The following ARFIP1 variants were observed in gnomAD, a reference collection of about 807,000 sequenced individuals.
The protein encoded by ARFIP1 is ARF interacting protein 1.
Under a neutral mutation model 42.5 loss-of-function variants are expected in ARFIP1, and 24 were observed. The observed-to-expected ratio is 0.57, with a 90% CI of 0.41 to 0.80. The LOEUF is 0.80. Ranked by LOEUF, ARFIP1 falls within the 30% of genes least tolerant of loss-of-function variation. The probability of loss-of-function intolerance (pLI) is 0.00; values close to 1 mark genes in which losing one functional copy is unlikely to be tolerated. For missense variants in ARFIP1, 354 were observed against 434.0 expected (o/e 0.82, Z 1.64); for synonymous variants, 141 against 153.7 (o/e 0.92, Z 0.61).
chr4:152,843,853 C>T (rs1040073268), intron 2 of ARFIP1, among the ~76,000 whole-genome samples: 2 of 152,146 alleles, frequency 1.3e-5, no homozygotes, highest in South Asian at 2.1e-4. Context: ...CTTCCAGCTG[C>T]GAAAGAAAAG....
At chr4:152,896,942 A>G (rs1737390539) in intron 8 of ARFIP1, among the ~76,000 whole-genome samples, 2 of 152,222 alleles carry the variant, frequency 1.3e-5, no homozygotes, top group African/African-American at 2.4e-5. Flanking sequence ...CTGTTGCAAC[A>G]TCATTCTTAA....
chr4:152,842,337 A>G (rs962547780), intron 2 of ARFIP1, among the ~76,000 whole-genome samples: 1 of 151,914 alleles, frequency 6.6e-6, no homozygotes, highest in Non-Finnish European at 1.5e-5. Flanking sequence ...ACTGAAAAAA[A>G]AAAAAAAAAG....
At position 152,866,766 on chromosome 4, in the gene ARFIP1, C is replaced by T. The variant is rs537505561; in HGVS notation, c.202+3052C>T. Among the ~76,000 whole-genome samples the T allele has an allele frequency of 2.0e-5, 3 of 151,790 alleles. No homozygotes were observed. In the East Asian group the frequency reaches 5.9e-4, roughly 30 times the overall value. On this transcript the variant is annotated intron_variant, in intron 3 of 8. Coordinates refer to ENST00000353617, the MANE Select transcript of ARFIP1 (RefSeq NM_001025595.3). The stretch of plus-strand genomic sequence containing the variant: ...GGGGCGGCTGCCGGGCGGAGGGTCT[C>T]CTCACTTCTCAGACGGGGCTGCTGG...
rs771661005 is a variant in ARFIP1 at position 152,847,124 on chromosome 4, CTTTTTTTTTTT to C, written c.94-16468_94-16458del. On this transcript the variant is annotated intron_variant, in intron 2 of 8. Transcript: ENST00000353617. ...GTATGTTAATGTTTTTAGGTTTGTT[CTTTTTTTTTTT>C]TTTTTTTTTTTTTGAGACAGAGTCT... is the stretch of plus-strand genomic sequence containing the variant. 7.4e-5 allele frequency among the ~76,000 whole-genome samples: 3 copies of C among 40,584 alleles called. 1 individual carries two copies. Among genetic ancestry groups the C allele is most frequent in the South Asian group, 2.5e-3 (2 of 816 alleles). The allele number at this position is 40,584 out of a possible 152,430, so 26.6% of individuals were successfully genotyped here.
chr4:152,814,958 A>G (rs192190238), intron 1 of ARFIP1, among the ~76,000 whole-genome samples: 16 of 152,292 alleles, frequency 1.1e-4, no homozygotes, highest in African/African-American at 3.9e-4. Flanking sequence ...TCAGTTTTGT[A>G]GTTGCATTCT....
At chr4:152,804,008 AATAT>A (rs560275552) in intron 1 of ARFIP1, among the ~76,000 whole-genome samples, 1 of 136,520 alleles carries the variant, frequency 7.3e-6, no homozygotes, top group African/African-American at 2.7e-5. Flanking sequence ...TATAACATGT[AATAT>A]ATATATTATA....
At chr4:152,832,180 A>G (rs1190108147) in intron 2 of ARFIP1, among the ~76,000 whole-genome samples, 2 of 152,184 alleles carry the variant, frequency 1.3e-5, no homozygotes, top group African/African-American at 4.8e-5. Flanking sequence ...ATGTTTGGCA[A>G]ATGGTTGGAC....
chr4:152,784,018 A>G (rs906562664), intron 1 of ARFIP1, among the ~76,000 whole-genome samples: 4 of 152,366 alleles, frequency 2.6e-5, no homozygotes, highest in African/African-American at 9.6e-5. Context: ...CTGGAAGTAT[A>G]AATAAATTTT....
intron 1 of ARFIP1, among the ~76,000 whole-genome samples, chr4:152,812,826 T>TAGGTCA (rs1729573867): frequency 6.6e-6 from 1 of 152,214 alleles, no homozygotes; most frequent in Admixed American, 6.5e-5. Context: ...TCATTCTAGA[T>TAGGTCA]TCCTCCTTCT....
chr4:152,834,095 AGACTCTTTT>A (rs1731457270), intron 2 of ARFIP1, among the ~76,000 whole-genome samples: 1 of 152,176 alleles, frequency 6.6e-6, no homozygotes, highest in Admixed American at 6.5e-5. Context: ...TGGAGGTCCC[AGACTCTTTT>A]AAACAACCAG....
chr4:152,814,961 T>G (rs1479119392), intron 1 of ARFIP1, among the ~76,000 whole-genome samples: 2 of 152,224 alleles, frequency 1.3e-5, no homozygotes, highest in Non-Finnish European at 2.9e-5. Context: ...GTTTTGTAGT[T>G]GCATTCTTGC....
intron 8 of ARFIP1, among the ~76,000 whole-genome samples, chr4:152,889,811 ATATATATACTATATATAC>A: frequency 8.5e-6 from 1 of 117,120 alleles, no homozygotes; most frequent in East Asian, 2.3e-4. Context: ...ACTATATACT[ATATATATACTATATATAC>A]TATATACTAT....
chr4:152,902,394 C>A (rs1000687502), intron 8 of ARFIP1, among the ~76,000 whole-genome samples: 5 of 152,048 alleles, frequency 3.3e-5, no homozygotes, highest in Non-Finnish European at 5.9e-5. Context: ...CCTAGTTATT[C>A]AGGAGGCTGA....
intron 6 of ARFIP1, 93 bp downstream of exon 6, chr4:152,881,277 TAATG>T: frequency 1.0e-6 from 1 of 978,142 alleles, no homozygotes; most frequent in Non-Finnish European, 1.5e-6. Context: ...GCTGAACTCT[TAATG>T]AAGATGGAAT....
chr4:152,876,273 G>T (rs1735322534), intron 5 of ARFIP1, among the ~76,000 whole-genome samples: 1 of 152,220 alleles, frequency 6.6e-6, no homozygotes, highest in Admixed American at 6.5e-5. Context: ...TTGTTAAATG[G>T]CTCTGCCCAA....
At chr4:152,889,720 ATATACTATATATAC>A (rs1291923643) in intron 8 of ARFIP1, among the ~76,000 whole-genome samples, 4 of 122,800 alleles carry the variant, frequency 3.3e-5, no homozygotes, top group Non-Finnish European at 4.8e-5. Context: ...ATACACTAAT[ATATACTATATATAC>A]TATACTATAT....
intron 2 of ARFIP1, among the ~76,000 whole-genome samples, chr4:152,847,299 AT>A (rs1732636400): frequency 6.6e-6 from 1 of 150,874 alleles, no homozygotes; most frequent in Non-Finnish European, 1.5e-5. Context: ...CGCCCGGCTA[AT>A]TTTTGTATTT....
At chr4:152,835,641 C>G (rs1731587484) in intron 2 of ARFIP1, among the ~76,000 whole-genome samples, 1 of 152,218 alleles carries the variant, frequency 6.6e-6, no homozygotes, top group South Asian at 2.1e-4. Context: ...GCTCATTACC[C>G]AGTTCCAGAG....
intron 1 of ARFIP1, among the ~76,000 whole-genome samples, chr4:152,797,868 A>G (rs555014077): frequency 6.6e-6 from 1 of 152,286 alleles, no homozygotes; most frequent in African/African-American, 2.4e-5. Flanking sequence ...ATCATCTGCA[A>G]ATAGAGATAG....
Sources: allele counts gnomAD v4.1 joint callset (sites outside exome capture counted in the v4.1 genomes callset), GRCh38; gene constraint gnomAD v4.1.1; transcripts MANE v1.5; gene names NCBI Gene and HGNC (gene_info 2026-07-23, HGNC 2026-07-21).